Variants in NAV3 observed in about 807,000 individuals in gnomAD.
The protein encoded by NAV3 is pore membrane and/or filament interacting like protein 1.
In NAV3, 87 loss-of-function variants were observed where a neutral mutation model predicts 244.7. The ratio of observed to expected loss-of-function variants is 0.36; its 90% confidence interval spans 0.30 to 0.42. NAV3 has a LOEUF of 0.42. Ranked by LOEUF, NAV3 falls within the 20% of genes least tolerant of loss-of-function variation. The pLI, the probability that NAV3 is intolerant of heterozygous loss-of-function variation, is 1.00. For synonymous variants in NAV3, 1,126 were observed against 1,042.2 expected (o/e 1.08, Z -1.55); for missense variants, 2,663 against 2,893.3 (o/e 0.92, Z 1.83).
chr12:78,159,144 T>C (rs1035833129), intron 22 of NAV3, 59 bp from the exon 23 acceptor site: 11 of 1,441,888 alleles, frequency 7.6e-6, no homozygotes, highest in Non-Finnish European at 9.6e-6. Context: ...ATGAAGGCTT[T>C]TCATCCATCC....
chr12:77,875,869 A>G (rs1881779768), intron 1 of NAV3, among the ~76,000 whole-genome samples: 1 of 152,050 alleles, frequency 6.6e-6, no homozygotes, highest in African/African-American at 2.4e-5. Flanking sequence ...GGCAATACTT[A>G]AGAGGATCCA....
At chr12:78,203,932 C>T (rs949500914) in intron 38 of NAV3, among the ~76,000 whole-genome samples, 4 of 151,166 alleles carry the variant, frequency 2.6e-5, no homozygotes, top group African/African-American at 9.7e-5. Flanking sequence ...AAATGTTTAA[C>T]ATCTCTTGGA....
intron 2 of NAV3, among the ~76,000 whole-genome samples, chr12:77,764,478 G>C (rs1485640042): frequency 2.0e-5 from 3 of 152,134 alleles, no homozygotes; most frequent in Non-Finnish European, 4.4e-5. Context: ...TTGATTTAGG[G>C]ATTTAAAGAC....
At chr12:77,825,901 T>G (rs1337528071), upstream of NAV3, among the ~76,000 whole-genome samples, 2 of 152,182 alleles carry the variant, frequency 1.3e-5, no homozygotes, top group African/African-American at 4.8e-5. Flanking sequence ...AAAGATGATA[T>G]ATGAATGACA....
At chr12:77,886,748 T>C (rs997335110) in intron 1 of NAV3, among the ~76,000 whole-genome samples, 2 of 152,180 alleles carry the variant, frequency 1.3e-5, no homozygotes, top group Non-Finnish European at 2.9e-5. Context: ...TCTTTTTTTC[T>C]TACATAAATA....
intron 1 of NAV3, among the ~76,000 whole-genome samples, chr12:77,919,078 T>C (rs1019846472): frequency 3.9e-5 from 6 of 151,970 alleles, no homozygotes; most frequent in Admixed American, 3.9e-4. Context: ...AAAAATACTT[T>C]TAAAGAAAAC....
intron 5 of NAV3, among the ~76,000 whole-genome samples, chr12:77,982,484 A>G (rs957644921): frequency 3.9e-5 from 6 of 152,188 alleles, no homozygotes; most frequent in African/African-American, 1.4e-4. Flanking sequence ...TTGCTCAGTG[A>G]TCAAAGTTAG....
intron 21 of NAV3, among the ~76,000 whole-genome samples, chr12:78,148,122 T>C (rs1273658013): frequency 6.6e-6 from 1 of 152,136 alleles, no homozygotes; most frequent in African/African-American, 2.4e-5. Flanking sequence ...ATATACATTA[T>C]ATTGGTTTAT....
At chr12:77,797,646 G>C (rs1187722575) in intron 2 of NAV3, among the ~76,000 whole-genome samples, 1 of 148,956 alleles carries the variant, frequency 6.7e-6, no homozygotes, top group East Asian at 2.0e-4. Flanking sequence ...TTTGAGACCA[G>C]CCTGGCCAAT....
chr12:77,844,326 T>C (rs1388280196), intron 1 of NAV3, among the ~76,000 whole-genome samples: 1 of 152,196 alleles, frequency 6.6e-6, no homozygotes, highest in African/African-American at 2.4e-5. Context: ...TATAGGGGCC[T>C]TATTCCCATC....
At chr12:77,813,642 A>G (rs1872398848) in intron 2 of NAV3, among the ~76,000 whole-genome samples, 1 of 152,206 alleles carries the variant, frequency 6.6e-6, no homozygotes, top group Non-Finnish European at 1.5e-5. Context: ...AGAAAAACCC[A>G]TCAAAATAAA....
intron 1 of NAV3, among the ~76,000 whole-genome samples, chr12:77,892,510 T>A (rs538262833): frequency 3.0e-4 from 46 of 151,840 alleles, no homozygotes; most frequent in Non-Finnish European, 5.3e-4. Context: ...CCGCCTCCTG[T>A]GTTCAAGCAA....
rs1555196702 is a variant in NAV3 at position 77,707,053 on chromosome 12, T to TC, written c.72+134787_72+134788insC. On this transcript the variant is annotated intron_variant, in intron 2 of 8. Coordinates refer to the NAV3 transcript ENST00000550042. ...GACCCAGCTTGAATTGCTACCTTTT[T>TC]TTTCTTTCTTTCTTTCTTTCTTTTT... Among the ~76,000 whole-genome samples, 1,225 of 150,444 alleles carry TC rather than the reference T, an allele frequency of 8.1e-3. 27 individuals carry two copies. Among genetic ancestry groups the TC allele is most frequent in the African/African-American group, 0.028 (1,165 of 41,052 alleles).
At chr12:77,983,022 A>T (rs1869842308) in intron 5 of NAV3, among the ~76,000 whole-genome samples, 1 of 152,216 alleles carries the variant, frequency 6.6e-6, no homozygotes, top group African/African-American at 2.4e-5. Flanking sequence ...CAATGAATTT[A>T]TCGTATCCCT....
chr12:78,003,170 T>TTTTTTTTTTTTTTTTGAGACGGA (rs1457926634), intron 7 of NAV3, among the ~76,000 whole-genome samples: 1 of 150,034 alleles, frequency 6.7e-6, no homozygotes, highest in African/African-American at 2.4e-5. Context: ...CAATTATTTA[T>TTTTTTTTTTTTTTTTGAGACGGA]GCAAAGCAGT....
intron 2 of NAV3, among the ~76,000 whole-genome samples, chr12:77,715,257 C>G (rs1876307555): frequency 6.6e-6 from 1 of 151,696 alleles, no homozygotes; most frequent in South Asian, 2.1e-4. Flanking sequence ...GAAAATGACA[C>G]CTTTAGTTAG....
At chr12:77,868,755 CAAA>C (rs35998964) in intron 1 of NAV3, among the ~76,000 whole-genome samples, 6 of 103,668 alleles carry the variant, frequency 5.8e-5, no homozygotes, top group Admixed American at 1.1e-4. Context: ...GACTCCATCT[CAAA>C]AAAAAAAAAA....
chr12:78,095,064 T>TATATATATATATATATATAC (rs1272776469), intron 12 of NAV3, among the ~76,000 whole-genome samples: 1 of 137,578 alleles, frequency 7.3e-6, no homozygotes, highest in African/African-American at 2.7e-5. Flanking sequence ...TATATATATA[T>TATATATATATATATATATAC]ACACACACAC....
chr12:77,773,916 C>A (rs1800358444), intron 2 of NAV3, among the ~76,000 whole-genome samples: 1 of 152,148 alleles, frequency 6.6e-6, no homozygotes, highest in Admixed American at 6.6e-5. Context: ...GTATCAGGAG[C>A]TGCTGGACAT....
Sources: gnomAD v4.1 joint callset for allele counts (sites outside exome capture counted in the v4.1 genomes callset) on GRCh38, gnomAD v4.1.1 for gene constraint, MANE v1.5 for transcripts, NCBI Gene and HGNC (gene_info 2026-07-23, HGNC 2026-07-21) for gene names.